Variants in VIT observed in about 807,000 individuals in gnomAD.
VIT encodes the protein vitrin.
In VIT, 99 loss-of-function variants were observed where a neutral mutation model predicts 78.0. The observed-to-expected ratio is 1.27, with a 90% CI of 1.08 to 1.50. The LOEUF (loss-of-function observed/expected upper bound fraction) is 1.50. Among genes scored for constraint, VIT ranks in the 40% most tolerant of loss-of-function variants. The pLI is 0.00. For missense variants in VIT, 1,126 were observed against 875.3 expected, an observed-to-expected ratio of 1.29 and a Z score of -3.61; for synonymous variants, 374 against 334.3, an observed-to-expected ratio of 1.12 and a Z score of -1.29.
chr2:36,716,720 A>G (rs1666158888), intron 2 of VIT, among the ~76,000 whole-genome samples: 1 of 152,194 alleles, frequency 6.6e-6, no homozygotes, highest in Non-Finnish European at 1.5e-5. Flanking sequence ...TTCCTCAGCA[A>G]TTAGCAAGTA....
intron 2 of VIT, among the ~76,000 whole-genome samples, chr2:36,718,254 A>C (rs1471642475): frequency 6.6e-6 from 1 of 152,168 alleles, no homozygotes; most frequent in African/African-American, 2.4e-5. Flanking sequence ...GAGAGTGCTT[A>C]AGGTCTGTTC....
intron 6 of VIT, among the ~76,000 whole-genome samples, chr2:36,762,129 T>A (rs1669161970): frequency 6.6e-6 from 1 of 152,200 alleles, no homozygotes; most frequent in Non-Finnish European, 1.5e-5. Flanking sequence ...AGACAATTTC[T>A]AAAACTATCT....
chr2:36,798,811 C>T (rs776379322), intron 12 of VIT, among the ~76,000 whole-genome samples: 6 of 152,040 alleles, frequency 3.9e-5, no homozygotes, highest in Non-Finnish European at 8.8e-5. Context: ...AGCCCTAGAA[C>T]CCGAGGGGAA....
rs190701130 is a variant in VIT, at chr2:36,788,658, C to T, written c.1058+1382C>T. On this transcript the variant is annotated intron_variant, in intron 12 of 15. Transcript: ENST00000379242. ...CCAACCCTTTTTCATTCCTGTGTTACTTTTTACAGATAGCCAATGGATGAC... is the reference window on the plus strand; with the variant it reads ...CCAACCCTTTTTCATTCCTGTGTTATTTTTTACAGATAGCCAATGGATGAC... Among the ~76,000 whole-genome samples, 804 of 152,236 alleles carry T rather than the reference C, an allele frequency of 5.3e-3. 5 individuals carry two copies. Among genetic ancestry groups the T allele is most frequent in the Middle Eastern group, 0.01 (3 of 294 alleles).
chr2:36,763,338 A>G (rs1042382841), intron 6 of VIT, among the ~76,000 whole-genome samples: 1 of 152,216 alleles, frequency 6.6e-6, no homozygotes, highest in African/African-American at 2.4e-5. Context: ...ACCACACCCA[A>G]ATGAGGAATA....
intron 7 of VIT, among the ~76,000 whole-genome samples, chr2:36,768,381 G>A (rs1404528729): frequency 2.6e-5 from 4 of 152,088 alleles, no homozygotes; most frequent in African/African-American, 4.8e-5. Flanking sequence ...CCAGTGAGCC[G>A]AGATCGCACC....
chr2:36,777,005 C>T (rs574084535), intron 9 of VIT, among the ~76,000 whole-genome samples: 13 of 149,054 alleles, frequency 8.7e-5, no homozygotes, highest in East Asian at 6.0e-4. Context: ...AGGAGAATGG[C>T]ATGAACCCAG....
At chr2:36,813,960 T>C (rs559674109) in intron 15 of VIT, among the ~76,000 whole-genome samples, 1 of 152,246 alleles carries the variant, frequency 6.6e-6, no homozygotes, top group Non-Finnish European at 1.5e-5. Flanking sequence ...ACTGTTGGCA[T>C]AGAGTGTATG....
rs530161316 is a variant in VIT at position 36,790,942 on chromosome 2, G to A, written c.1058+3666G>A. On this transcript the variant is annotated intron_variant, in intron 12 of 15. Transcript: ENST00000379242. Reference sequence around the variant, plus strand: ...CAGGCAAGCCATTAGGTGAACTCTAGTAACGTGGCCAAACACCTTGCATTT... The same window carrying A: ...CAGGCAAGCCATTAGGTGAACTCTAATAACGTGGCCAAACACCTTGCATTT... 1.1e-4 allele frequency among the ~76,000 whole-genome samples: 17 copies of A among 152,230 alleles called. 1 individual carries two copies. In the South Asian group the frequency reaches 3.5e-3, roughly 32 times the overall value.
Position 36,776,228 on chromosome 2 carries a change from G to T in VIT, c.802+1161G>T, listed in dbSNP as rs1022952341. 3.3e-5 allele frequency among the ~76,000 whole-genome samples: 5 copies of T among 152,174 alleles called. No homozygotes were observed. The East Asian group carries it at 9.6e-4, about 29-fold the overall frequency. ...TGTCTAAACCAGTGGTTCTCAAAGTGTGGTCCAAAGACCCCGCTTTCAGAG... is the reference window on the plus strand; with the variant it reads ...TGTCTAAACCAGTGGTTCTCAAAGTTTGGTCCAAAGACCCCGCTTTCAGAG... On this transcript the variant is annotated intron_variant, in intron 9 of 15. Transcript: ENST00000379242.
chr2:36,774,240 A>C (rs1231010834), intron 8 of VIT, among the ~76,000 whole-genome samples: 2 of 144,430 alleles, frequency 1.4e-5, no homozygotes, highest in Admixed American at 6.9e-5. Flanking sequence ...TGCCTGAGTA[A>C]TTCTATGCCA....
intron 1 of VIT, 95 bp from the exon 2 acceptor site, chr2:36,716,258 A>G: frequency 1.0e-6 from 1 of 956,522 alleles, no homozygotes; most frequent in South Asian, 1.5e-5. Context: ...CCAGAGGGCA[A>G]TGCAAAATGA....
intron 3 of VIT, among the ~76,000 whole-genome samples, chr2:36,735,903 G>A (rs971884209): frequency 2.0e-5 from 3 of 152,156 alleles, no homozygotes; most frequent in African/African-American, 7.2e-5. Context: ...AACCAGAGGT[G>A]GGAAAACATG....
intron 9 of VIT, among the ~76,000 whole-genome samples, chr2:36,781,142 C>G (rs1664725504): frequency 6.6e-6 from 1 of 152,140 alleles, no homozygotes; most frequent in South Asian, 2.1e-4. Context: ...AAGCGGATTG[C>G]CTGATCTCTG....
At chr2:36,802,296 G>T (rs1464525831) in intron 13 of VIT, among the ~76,000 whole-genome samples, 1 of 152,104 alleles carries the variant, frequency 6.6e-6, no homozygotes, top group African/African-American at 2.4e-5. Context: ...ATGAAAGATT[G>T]GCTTTTTGGG....
Position 36,773,863 on chromosome 2 carries a change from C to G in VIT, c.736+16C>G. On this transcript the variant is annotated intron_variant, in intron 8 of 15. Transcript: ENST00000379242. ...GCTGATCCAGGTAAGACCTTAAACT[C>G]CCTTTCCAGCCACTGATGAAAGTTA... The G allele has an allele frequency of 6.3e-7, 1 of 1,579,438 alleles. No homozygotes were observed. Among genetic ancestry groups the G allele is most frequent in the Non-Finnish European group, 8.6e-7 (1 of 1,161,566 alleles).
chr2:36,769,216 T>C (rs1032333889), intron 7 of VIT, among the ~76,000 whole-genome samples: 3 of 152,246 alleles, frequency 2.0e-5, no homozygotes, highest in Non-Finnish European at 4.4e-5. Context: ...AGTTAGTTGT[T>C]TGCTCCTGTT....
At chr2:36,703,560 A>G (rs554683759) in intron 1 of VIT, among the ~76,000 whole-genome samples, 1 of 152,332 alleles carries the variant, frequency 6.6e-6, no homozygotes, top group East Asian at 1.9e-4. Flanking sequence ...ACACTTAAAA[A>G]TATGCCTGGT....
intron 3 of VIT, among the ~76,000 whole-genome samples, chr2:36,735,707 T>A (rs1406208726): frequency 6.6e-6 from 1 of 152,232 alleles, no homozygotes; most frequent in East Asian, 1.9e-4. Flanking sequence ...AAGGGACATT[T>A]CCTTTACTGG....
Sources: gnomAD v4.1 joint callset for allele counts (sites outside exome capture counted in the v4.1 genomes callset) on GRCh38, gnomAD v4.1.1 for gene constraint, MANE v1.5 for transcripts, NCBI Gene and HGNC (gene_info 2026-07-23, HGNC 2026-07-21) for gene names.